The following BMPER variants were observed in gnomAD, a reference collection of about 807,000 sequenced individuals.
BMPER encodes the protein BMP-binding endothelial regulator protein.
BMPER carries 45 observed loss-of-function variants against 87.3 expected under a neutral mutation model. That is an observed-to-expected ratio of 0.52 (90% CI 0.41 to 0.66). BMPER has a LOEUF of 0.66. Ranked by LOEUF, BMPER falls within the 30% of genes least tolerant of loss-of-function variation. BMPER has a pLI of 0.00. For missense variants in BMPER, 784 were observed against 867.5 expected, an observed-to-expected ratio of 0.90 and a Z score of 1.21; for synonymous variants, 326 against 316.2, an observed-to-expected ratio of 1.03 and a Z score of -0.33.
At chr7:34,057,092 C>G (rs373098738) in intron 9 of BMPER, among the ~76,000 whole-genome samples, 279 of 152,228 alleles carry the variant, frequency 1.8e-3, no homozygotes, top group African/African-American at 6.5e-3. Context: ...GGTAGACAGT[C>G]CTTAAAATAG....
At chr7:33,969,399 T>C (rs1195351596) in intron 4 of BMPER, among the ~76,000 whole-genome samples, 2 of 152,174 alleles carry the variant, frequency 1.3e-5, no homozygotes, top group African/African-American at 4.8e-5. Flanking sequence ...ACTTAATTTA[T>C]TTATTTATTT....
chr7:34,031,929 C>CATAT (rs1209649038), intron 6 of BMPER, among the ~76,000 whole-genome samples: 54 of 103,840 alleles, frequency 5.2e-4, no homozygotes, highest in African/African-American at 1.9e-3. Context: ...TATATATATA[C>CATAT]ACACACACAC....
chr7:34,052,371 A>G (rs1473770841), intron 8 of BMPER, among the ~76,000 whole-genome samples: 1 of 152,216 alleles, frequency 6.6e-6, no homozygotes, highest in Admixed American at 6.5e-5. Flanking sequence ...TTCATCACAA[A>G]GATAAACCTG....
intron 6 of BMPER, among the ~76,000 whole-genome samples, chr7:33,976,529 TTTC>T (rs1273056864): frequency 6.6e-6 from 1 of 152,206 alleles, no homozygotes; most frequent in Non-Finnish European, 1.5e-5. Flanking sequence ...CTCAATTTTA[TTTC>T]TTCCATACTG....
At chr7:33,943,876 C>T (rs1422070923) in intron 3 of BMPER, among the ~76,000 whole-genome samples, 1 of 152,180 alleles carries the variant, frequency 6.6e-6, no homozygotes, top group East Asian at 1.9e-4. Flanking sequence ...TGTTCCTCCC[C>T]CTTTTGGTGG....
chr7:34,059,763 G>C (rs1160470694), intron 10 of BMPER, among the ~76,000 whole-genome samples: 1 of 149,028 alleles, frequency 6.7e-6, no homozygotes, highest in Non-Finnish European at 1.5e-5. Context: ...AAAAAAAAGA[G>C]ATAGAGAGGA....
chr7:34,153,267 G>T lies in BMPER; in HGVS notation c.2052G>T (p.Gln684His). 1 of 1,613,990 alleles carries T rather than the reference G, an allele frequency of 6.2e-7. No homozygotes were observed. Among genetic ancestry groups the T allele is most frequent in the Non-Finnish European group, 8.5e-7 (1 of 1,179,946 alleles). ...GRCIKPVLCP[Q>H]R The stretch of plus-strand genomic sequence containing the variant: ...GCATCAAGCCAGTCCTTTGTCCCCA[G>T]CGGTGACCTTTGTTTCGATCCTTAA... Residue 684 changes from glutamine (Q) to histidine (H), a missense_variant, in exon 15 of 15, where the codon CAG becomes CAT. Transcript: ENST00000649409.
chr7:34,126,850 T>A (rs1405871011), intron 13 of BMPER, among the ~76,000 whole-genome samples: 1 of 152,154 alleles, frequency 6.6e-6, no homozygotes, highest in Non-Finnish European at 1.5e-5. Flanking sequence ...TAAAAAGTAG[T>A]TTAGAATTTC....
chr7:33,938,117 C>T (rs1784656298), intron 3 of BMPER, among the ~76,000 whole-genome samples: 1 of 152,150 alleles, frequency 6.6e-6, no homozygotes, highest in African/African-American at 2.4e-5. Context: ...TGTGATTTTC[C>T]CCCTCTGTGG....
At chr7:33,997,520 A>T (rs1390872132) in intron 6 of BMPER, among the ~76,000 whole-genome samples, 1 of 152,138 alleles carries the variant, frequency 6.6e-6, no homozygotes, top group East Asian at 1.9e-4. Context: ...CCTTGTGAAG[A>T]AGGTGCTTGC....
At chr7:34,038,609 G>A (rs1787748938) in intron 6 of BMPER, among the ~76,000 whole-genome samples, 1 of 152,144 alleles carries the variant, frequency 6.6e-6, no homozygotes, top group African/African-American at 2.4e-5. Context: ...TAATTGGCAT[G>A]CAAAATAAAA....
At chr7:34,125,945 C>A (rs1423003380) in intron 13 of BMPER, among the ~76,000 whole-genome samples, 2 of 152,178 alleles carry the variant, frequency 1.3e-5, no homozygotes, top group Non-Finnish European at 2.9e-5. Context: ...CAGATGAACA[C>A]CTGCAATGTG....
chr7:33,987,827 G>A (rs2127922719), intron 6 of BMPER, among the ~76,000 whole-genome samples: 1 of 152,198 alleles, frequency 6.6e-6, no homozygotes, highest in South Asian at 2.1e-4. Flanking sequence ...GAATTAAACA[G>A]CAGAAAAAAA....
chr7:33,929,904 G>A (rs1784442606), intron 2 of BMPER, among the ~76,000 whole-genome samples: 1 of 152,220 alleles, frequency 6.6e-6, no homozygotes, highest in Admixed American at 6.5e-5. Flanking sequence ...AAAACACTAT[G>A]TTACTTCATT....
intron 13 of BMPER, among the ~76,000 whole-genome samples, chr7:34,090,164 C>T (rs2127978756): frequency 6.6e-6 from 1 of 152,330 alleles, no homozygotes; most frequent in East Asian, 1.9e-4. Context: ...TGCTAATTGA[C>T]TTCTCAAATT....
chr7:34,037,753 G>A (rs1371847443), intron 6 of BMPER, among the ~76,000 whole-genome samples: 1 of 152,210 alleles, frequency 6.6e-6, no homozygotes, highest in East Asian at 1.9e-4. Flanking sequence ...CTTATAATTT[G>A]CCTATGACAA....
At chr7:34,149,526 A>G (rs56147618) in intron 14 of BMPER, among the ~76,000 whole-genome samples, 19,792 of 152,070 alleles carry the variant, frequency 0.13, 1,589 homozygotes, top group African/African-American at 0.22. Context: ...GAAGTCAGAG[A>G]TAAAACTGTA....
At chr7:34,002,080 T>G (rs1786596178) in intron 6 of BMPER, among the ~76,000 whole-genome samples, 1 of 151,770 alleles carries the variant, frequency 6.6e-6, no homozygotes, top group South Asian at 2.1e-4. Flanking sequence ...TATGGCCAAA[T>G]ATATGGTGTA....
At chr7:33,980,578 A>G (rs1265479647) in intron 6 of BMPER, among the ~76,000 whole-genome samples, 1 of 152,194 alleles carries the variant, frequency 6.6e-6, no homozygotes, top group East Asian at 1.9e-4. Flanking sequence ...CAAGGTGCCA[A>G]TCAGAGATGT....
Sources: allele counts gnomAD v4.1 joint callset (sites outside exome capture counted in the v4.1 genomes callset), GRCh38; gene constraint gnomAD v4.1.1; transcripts MANE v1.5; gene names NCBI Gene and HGNC (gene_info 2026-07-23, HGNC 2026-07-21).